GNA12: variants seen among roughly 807,000 people sequenced by gnomAD.
GNA12 encodes guanine nucleotide-binding protein subunit alpha-12.
A neutral mutation model predicts 26.0 loss-of-function variants in GNA12; 9 were observed. The observed-to-expected ratio is 0.35, with a 90% CI of 0.21 to 0.60. The LOEUF (loss-of-function observed/expected upper bound fraction) is 0.60. Among genes scored for constraint, GNA12 ranks in the 20% least tolerant of loss-of-function variants. The pLI, the probability that GNA12 is intolerant of heterozygous loss-of-function variation, is 0.78. For missense variants in GNA12, 405 were observed against 525.8 expected (o/e 0.77, Z 2.25); for synonymous variants, 264 against 219.6 (o/e 1.20, Z -1.79).
At chr7:2,802,581 A>C (rs1792837522) in intron 1 of GNA12, among the ~76,000 whole-genome samples, 1 of 152,222 alleles carries the variant, frequency 6.6e-6, no homozygotes, top group African/African-American at 2.4e-5. Context: ...AAATGCTTTA[A>C]GATAATATGA....
intron 2 of GNA12, chr7:2,775,253 T>C (rs1433170781): frequency 6.6e-6 from 1 of 152,184 alleles, no homozygotes; most frequent in African/African-American, 2.4e-5. Context: ...AAGATATCCT[T>C]TCTCTGGTGC....
intron 2 of GNA12, among the ~76,000 whole-genome samples, chr7:2,753,093 T>C (rs948181609): frequency 2.0e-5 from 3 of 152,194 alleles, no homozygotes; most frequent in Middle Eastern, 6.4e-3. Flanking sequence ...TGATCTGTTT[T>C]CTGTTCCTAT....
Position 2,781,698 on chromosome 7 carries a change from C to G in GNA12, c.525+13230G>C, listed in dbSNP as rs554135441. The stretch of plus-strand genomic sequence containing the variant: ...AGCCTTGAAAAATGTAAAGAACAAT[C>G]TTATTTCATGGGTGGGCGTACAAAA... On this transcript the variant is annotated intron_variant, in intron 2 of 3. Transcript: ENST00000275364. Among the ~76,000 whole-genome samples, 3 of 152,168 alleles carry G rather than the reference C, an allele frequency of 2.0e-5. No individual in the cohort carries two copies. In the East Asian group the frequency reaches 5.8e-4, roughly 29 times the overall value.
At chr7:2,816,517 C>T (rs1391856645) in intron 1 of GNA12, among the ~76,000 whole-genome samples, 1 of 152,216 alleles carries the variant, frequency 6.6e-6, no homozygotes, top group Non-Finnish European at 1.5e-5. Flanking sequence ...AGGCGTGAGC[C>T]ACTGCTCCCA....
intron 1 of GNA12, among the ~76,000 whole-genome samples, chr7:2,801,176 C>T (rs997152611): frequency 6.6e-6 from 1 of 152,184 alleles, no homozygotes; most frequent in African/African-American, 2.4e-5. Context: ...CCAACCCTCC[C>T]GCTATCCGGG....
chr7:2,777,651 G>C (rs549946098), intron 2 of GNA12, among the ~76,000 whole-genome samples: 1 of 152,306 alleles, frequency 6.6e-6, no homozygotes, highest in South Asian at 2.1e-4. Context: ...GTGGCTGTCT[G>C]CAAGTCAGGA....
chr7:2,734,839 C>T (rs928640082), intron 2 of GNA12, among the ~76,000 whole-genome samples: 16 of 152,218 alleles, frequency 1.1e-4, no homozygotes, highest in African/African-American at 3.4e-4. Flanking sequence ...CTCGTGACCA[C>T]CGGCTCTCTA....
At chr7:2,808,229 C>T (rs1792995472) in intron 1 of GNA12, among the ~76,000 whole-genome samples, 2 of 152,260 alleles carry the variant, frequency 1.3e-5, no homozygotes, top group South Asian at 4.1e-4. Flanking sequence ...CTCCTGTAAG[C>T]AGTGACCATC....
chr7:2,746,437 G>A lies in GNA12; in HGVS notation c.526-12936C>T, dbSNP rs1287699360. On this transcript the variant is annotated intron_variant, in intron 2 of 3. Coordinates refer to ENST00000275364, the MANE Select transcript of GNA12 (RefSeq NM_007353.3). Reference sequence around the variant, plus strand: ...ATGACTACTGGGTACATAATGAAATGAAGGCAGAAATAAAGATGTTCTTTG... The same window carrying A: ...ATGACTACTGGGTACATAATGAAATAAAGGCAGAAATAAAGATGTTCTTTG... Among the ~76,000 whole-genome samples the A allele has an allele frequency of 5.9e-5, 9 of 152,288 alleles. No homozygotes were observed. The East Asian group carries it at 1.7e-3, about 29-fold the overall frequency.
chr7:2,800,307 G>C (rs1792778543), intron 1 of GNA12, among the ~76,000 whole-genome samples: 4 of 152,234 alleles, frequency 2.6e-5, no homozygotes, highest in Admixed American at 2.6e-4. Flanking sequence ...AGAGATTCAT[G>C]GTTGCCAGGG....
At chr7:2,842,037 AAAG>A (rs1339012876) in intron 1 of GNA12, among the ~76,000 whole-genome samples, 1 of 103,912 alleles carries the variant, frequency 9.6e-6, no homozygotes, top group East Asian at 2.3e-4. Context: ...GGAAGGAAGA[AAAG>A]AAAAAAGGAA....
chr7:2,785,494 G>C (rs1404791339), intron 2 of GNA12, among the ~76,000 whole-genome samples: 1 of 152,176 alleles, frequency 6.6e-6, no homozygotes, highest in Non-Finnish European at 1.5e-5. Flanking sequence ...CATATATACA[G>C]TACCAAACCA....
intron 2 of GNA12, among the ~76,000 whole-genome samples, chr7:2,754,745 C>T (rs1008755773): frequency 2.6e-5 from 4 of 152,102 alleles, no homozygotes; most frequent in African/African-American, 9.7e-5. Flanking sequence ...TGAGACCCTG[C>T]CTCAAAAGGA....
intron 2 of GNA12, among the ~76,000 whole-genome samples, chr7:2,741,682 GCT>G (rs898068494): frequency 2.0e-5 from 3 of 151,864 alleles, no homozygotes; most frequent in African/African-American, 7.3e-5. Flanking sequence ...TCCTTCGCTC[GCT>G]CTCTTTCAAT....
chr7:2,790,205 T>C (rs1431631583), intron 2 of GNA12, among the ~76,000 whole-genome samples: 5 of 152,216 alleles, frequency 3.3e-5, no homozygotes, highest in South Asian at 2.1e-4. Flanking sequence ...CCGGATAGAA[T>C]TGTCTGCTTT....
intron 2 of GNA12, among the ~76,000 whole-genome samples, chr7:2,781,327 T>G (rs532076179): frequency 6.6e-6 from 1 of 152,186 alleles, no homozygotes; most frequent in East Asian, 1.9e-4. Context: ...TATGTGTATA[T>G]ACATACACAC....
chr7:2,774,593 AG>A (rs1176939156), intron 2 of GNA12, among the ~76,000 whole-genome samples: 3 of 152,238 alleles, frequency 2.0e-5, no homozygotes, highest in African/African-American at 7.2e-5. Flanking sequence ...GGGGGGGTCC[AG>A]GTTGCTAATG....
At position 2,762,669 on chromosome 7, in the gene GNA12, T is replaced by C. The variant is rs576113824; in HGVS notation, c.526-29168A>G. The C allele has an allele frequency of 1.5e-5, 24 of 1,597,526 alleles. No homozygotes were observed. The East Asian group carries it at 4.8e-4, about 32-fold the overall frequency. ...AGCGGCAGGACGATGAGAGGATAAA[T>C]CATTTGGAAAGAAACCACGCTGCCC... is the stretch of plus-strand genomic sequence containing the variant. On this transcript the variant is annotated intron_variant, in intron 2 of 3. Coordinates refer to ENST00000275364, the MANE Select transcript of GNA12 (RefSeq NM_007353.3).
Position 2,797,996 on chromosome 7 carries a change from C to T in GNA12, c.310-2853G>A, listed in dbSNP as rs146977079. 2.9e-3 allele frequency among the ~76,000 whole-genome samples: 439 copies of T among 152,262 alleles called. 3 individuals carry two copies. The highest frequency in any genetic ancestry group is 0.01 in the Middle Eastern group (3 of 294). ...AACTAGGAACAGAGAAATGCTTCAA[C>T]TTGATAAAGAACACTGACAAAAAAA... On this transcript the variant is annotated intron_variant, in intron 1 of 3. Transcript: ENST00000275364.
Sources: allele counts gnomAD v4.1 joint callset (sites outside exome capture counted in the v4.1 genomes callset), GRCh38; gene constraint gnomAD v4.1.1; transcripts MANE v1.5; gene names NCBI Gene and HGNC (gene_info 2026-07-23, HGNC 2026-07-21).